Variants in TMEM117 observed in about 807,000 individuals in gnomAD.
The protein encoded by TMEM117 is transmembrane protein 117.
Under a neutral mutation model 52.4 loss-of-function variants are expected in TMEM117, and 27 were observed. That is an observed-to-expected ratio of 0.51 (90% CI 0.38 to 0.71). TMEM117 has a LOEUF of 0.71. Among genes scored for constraint, TMEM117 ranks in the 30% least tolerant of loss-of-function variants. The pLI, the probability that TMEM117 is intolerant of heterozygous loss-of-function variation, is 0.00. For synonymous variants in TMEM117, 215 were observed against 206.3 expected (o/e 1.04, Z -0.36); for missense variants, 556 against 630.5 (o/e 0.88, Z 1.26).
chr12:44,337,454 G>A (rs1951356422), intron 6 of TMEM117, among the ~76,000 whole-genome samples: 1 of 151,994 alleles, frequency 6.6e-6, no homozygotes, highest in Non-Finnish European at 1.5e-5. Context: ...TCAGGTTCTA[G>A]CAGTACCTGG....
intron 3 of TMEM117, among the ~76,000 whole-genome samples, chr12:44,102,023 G>C (rs764777301): frequency 1.3e-5 from 2 of 151,944 alleles, no homozygotes; most frequent in Non-Finnish European, 2.9e-5. Flanking sequence ...GGTGGGCTTG[G>C]GGGAATTTGT....
intron 2 of TMEM117, among the ~76,000 whole-genome samples, chr12:43,873,036 G>A (rs779690284): frequency 1.1e-4 from 17 of 152,288 alleles, no homozygotes; most frequent in Middle Eastern, 6.8e-3. Flanking sequence ...CATCAAAGGT[G>A]CCATGAGAAA....
intron 5 of TMEM117, among the ~76,000 whole-genome samples, chr12:44,265,155 C>T (rs541951916): frequency 2.6e-5 from 4 of 152,192 alleles, no homozygotes; most frequent in Admixed American, 6.5e-5. Flanking sequence ...GAGGTTTAAG[C>T]GGAACACTAT....
chr12:44,176,183 G>A (rs1216398231), intron 4 of TMEM117, among the ~76,000 whole-genome samples: 1 of 152,160 alleles, frequency 6.6e-6, no homozygotes, highest in Non-Finnish European at 1.5e-5. Flanking sequence ...ATATGAAAGT[G>A]CTTGCCTCAC....
intron 5 of TMEM117, among the ~76,000 whole-genome samples, chr12:44,259,226 A>G (rs1950294333): frequency 6.6e-6 from 1 of 152,104 alleles, no homozygotes; most frequent in South Asian, 2.1e-4. Flanking sequence ...CTATATAGCA[A>G]CCTACAATAT....
At chr12:44,298,418 T>C (rs1041426787) in intron 5 of TMEM117, among the ~76,000 whole-genome samples, 2 of 129,898 alleles carry the variant, frequency 1.5e-5, no homozygotes, top group Admixed American at 1.4e-4. Flanking sequence ...AAGTAATTGT[T>C]TTTTTTTTTC....
chr12:43,896,322 C>G (rs1205700442), intron 2 of TMEM117, among the ~76,000 whole-genome samples: 1 of 152,158 alleles, frequency 6.6e-6, no homozygotes, highest in Non-Finnish European at 1.5e-5. Context: ...TCCCAATCTC[C>G]CTGTTTCCAT....
At chr12:44,133,178 T>C (rs1156812690) in intron 3 of TMEM117, among the ~76,000 whole-genome samples, 1 of 152,206 alleles carries the variant, frequency 6.6e-6, no homozygotes, top group Non-Finnish European at 1.5e-5. Flanking sequence ...TTTGCAAAGA[T>C]GTCTGCATTG....
intron 2 of TMEM117, among the ~76,000 whole-genome samples, chr12:43,849,374 G>A (rs576281800): frequency 1.7e-4 from 26 of 152,300 alleles, no homozygotes; most frequent in African/African-American, 6.0e-4. Flanking sequence ...TGTCTATATT[G>A]AAGATTGATT....
chr12:43,814,145 A>T, the TMEM117 span, among the ~76,000 whole-genome samples: 1 of 152,136 alleles, frequency 6.6e-6, no homozygotes, highest in Non-Finnish European at 1.5e-5. Flanking sequence ...TACAACTCTA[A>T]GTAAGCTGAA....
At chr12:43,870,555 G>A (rs1208847345) in intron 2 of TMEM117, among the ~76,000 whole-genome samples, 1 of 151,050 alleles carries the variant, frequency 6.6e-6, no homozygotes, top group African/African-American at 2.4e-5. Flanking sequence ...CACTGTGCCC[G>A]GCCATGTGCA....
chr12:44,103,784 T>C (rs1400661918), intron 3 of TMEM117, among the ~76,000 whole-genome samples: 1 of 152,048 alleles, frequency 6.6e-6, no homozygotes, highest in Non-Finnish European at 1.5e-5. Context: ...CCATCATTTT[T>C]CTTTTTCTTT....
chr12:44,152,837 TTTATATAAA>T (rs1948772170), intron 4 of TMEM117, among the ~76,000 whole-genome samples: 1 of 144,348 alleles, frequency 6.9e-6, no homozygotes, highest in South Asian at 2.1e-4. Context: ...ATATATTGTA[TTTATATAAA>T]TACAATATAT....
chr12:44,166,111 C>T (rs1169983387), intron 4 of TMEM117, among the ~76,000 whole-genome samples: 1 of 152,024 alleles, frequency 6.6e-6, no homozygotes, highest in African/African-American at 2.4e-5. Flanking sequence ...AAAGTGTGCT[C>T]CTGAATGACC....
chr12:44,234,337 AC>A (rs1159324514), intron 5 of TMEM117, among the ~76,000 whole-genome samples: 3 of 151,254 alleles, frequency 2.0e-5, no homozygotes, highest in Non-Finnish European at 3.0e-5. Context: ...GATGAATTAT[AC>A]CTTTTTCAGC....
intron 3 of TMEM117, among the ~76,000 whole-genome samples, chr12:44,092,724 C>T (rs1947695165): frequency 6.6e-6 from 1 of 152,184 alleles, no homozygotes; most frequent in Non-Finnish European, 1.5e-5. Context: ...CATCAGCAGT[C>T]TCCATGTAGA....
At chr12:43,932,300 TAGTC>T (rs1371702290) in intron 2 of TMEM117, among the ~76,000 whole-genome samples, 5 of 151,400 alleles carry the variant, frequency 3.3e-5, no homozygotes, top group African/African-American at 4.8e-5. Flanking sequence ...AATTCTTTGG[TAGTC>T]AGATTTACTT....
At chr12:43,821,260 C>T in the TMEM117 span, among the ~76,000 whole-genome samples, 5 of 152,158 alleles carry the variant, frequency 3.3e-5, no homozygotes, top group Non-Finnish European at 7.3e-5. Flanking sequence ...AAGAAATCTT[C>T]TGCCTTAGCA....
At chr12:44,136,282 T>C (rs1024787535) in intron 3 of TMEM117, among the ~76,000 whole-genome samples, 1 of 152,134 alleles carries the variant, frequency 6.6e-6, no homozygotes, top group African/African-American at 2.4e-5. Flanking sequence ...ATAAATGAAG[T>C]CTCTTTGTTG....
Sources: gnomAD v4.1 joint callset for allele counts (sites outside exome capture counted in the v4.1 genomes callset) on GRCh38, gnomAD v4.1.1 for gene constraint, MANE v1.5 for transcripts, NCBI Gene and HGNC (gene_info 2026-07-23, HGNC 2026-07-21) for gene names.